The following SNTG1 variants were observed in gnomAD, a reference collection of about 807,000 sequenced individuals.
SNTG1 encodes the protein gamma-1-syntrophin.
In SNTG1, 39 loss-of-function variants were observed where a neutral mutation model predicts 74.7. That is an observed-to-expected ratio of 0.52 (90% CI 0.40 to 0.68). The LOEUF is 0.68. Ranked by LOEUF, SNTG1 falls within the 30% of genes least tolerant of loss-of-function variation. SNTG1 has a pLI of 0.00. For synonymous variants in SNTG1, 254 were observed against 217.1 expected (o/e 1.17, Z -1.49); for missense variants, 685 against 609.5 (o/e 1.12, Z -1.30).
chr8:50,620,581 G>T (rs1345847015), intron 13 of SNTG1, among the ~76,000 whole-genome samples: 1 of 152,154 alleles, frequency 6.6e-6, no homozygotes. Context: ...ATTTGCTGGG[G>T]TGCCTCAGAG....
In SNTG1 at chr8:50,373,468, A is replaced by G. The variant is rs1038739149; in HGVS notation, c.-27-20744A>G. On this transcript the variant is annotated intron_variant, in intron 2 of 18. Coordinates refer to ENST00000642720, the MANE Select transcript of SNTG1 (RefSeq NM_018967.5). ...AATTCTTGGTGATGTGTAAGATTGT[A>G]TAATGTTACCATGTGATTAAATGGA... 2.6e-5 allele frequency among the ~76,000 whole-genome samples: 4 copies of G among 152,344 alleles called. No homozygotes were observed. The East Asian group carries it at 5.8e-4, about 22-fold the overall frequency.
At chr8:50,730,240 T>G (rs947013889) in intron 17 of SNTG1, among the ~76,000 whole-genome samples, 1 of 152,124 alleles carries the variant, frequency 6.6e-6, no homozygotes, top group Admixed American at 6.6e-5. Context: ...ACATGCTTAG[T>G]TTTCTCTGCT....
intron 12 of SNTG1, among the ~76,000 whole-genome samples, chr8:50,569,486 C>T (rs2094534703): frequency 1.3e-5 from 2 of 150,154 alleles, no homozygotes; most frequent in Non-Finnish European, 1.5e-5. Flanking sequence ...CATTTTTTTT[C>T]CATAAAAGCG....
chr8:50,453,582 G>A (rs2093475620), intron 8 of SNTG1, among the ~76,000 whole-genome samples: 1 of 152,124 alleles, frequency 6.6e-6, no homozygotes, highest in South Asian at 2.1e-4. Context: ...TGAACGGAAT[G>A]AACTAAACTT....
intron 1 of SNTG1, among the ~76,000 whole-genome samples, chr8:50,063,626 T>C (rs1820658992): frequency 6.6e-6 from 1 of 152,246 alleles, no homozygotes; most frequent in South Asian, 2.1e-4. Flanking sequence ...TTCTGATCAA[T>C]GCATTCTTTG....
chr8:50,658,260 TA>T (rs67305616), intron 14 of SNTG1, among the ~76,000 whole-genome samples: 8,589 of 149,978 alleles, frequency 0.057, 421 homozygotes, highest in African/African-American at 0.13. Context: ...AGTGGTAAAT[TA>T]AAAAAAAAAT....
intron 11 of SNTG1, among the ~76,000 whole-genome samples, chr8:50,542,551 A>T (rs1365101014): frequency 2.0e-5 from 3 of 152,224 alleles, no homozygotes; most frequent in East Asian, 1.9e-4. Context: ...TGCAATAAAC[A>T]TAGGAGCACA....
In SNTG1 at chr8:50,691,681, A is replaced by AT. The variant is rs562848804; in HGVS notation, c.1039-12913dup. 3.2e-3 allele frequency among the ~76,000 whole-genome samples: 482 copies of AT among 151,980 alleles called. 4 individuals are homozygous for AT. The highest frequency in any genetic ancestry group is 0.011 in the African/African-American group (464 of 41,446). Reference sequence around the variant, plus strand: ...ACCTTTCTCTCTGGCTGCCCTTAACATTTTTTCCTTCATTTCAACTTTGGT... The same window carrying AT: ...ACCTTTCTCTCTGGCTGCCCTTAACATTTTTTTCCTTCATTTCAACTTTGGT... On this transcript the variant is annotated intron_variant, in intron 15 of 18. Transcript: ENST00000642720.
chr8:50,492,701 A>G lies in SNTG1; in HGVS notation c.364-10077A>G, dbSNP rs190688043. Among the ~76,000 whole-genome samples, 10 of 152,182 alleles carry G rather than the reference A, an allele frequency of 6.6e-5. 1 individual carries two copies. The East Asian group carries it at 1.7e-3, about 26-fold the overall frequency. ...TGTAGGTTGCCTGTTCATGCTGATG[A>G]TAGTTTCTTTGGCTGTGCAGAAGCT... On this transcript the variant is annotated intron_variant, in intron 8 of 18. Transcript: ENST00000642720.
chr8:50,537,902 C>T (rs978286319), intron 11 of SNTG1, among the ~76,000 whole-genome samples: 1 of 152,100 alleles, frequency 6.6e-6, no homozygotes, highest in Non-Finnish European at 1.5e-5. Context: ...CTAGATTTGT[C>T]CCATAGGCTG....
In SNTG1 at chr8:50,487,640, G is replaced by A. The variant is rs537584107; in HGVS notation, c.364-15138G>A. Among the ~76,000 whole-genome samples the A allele has an allele frequency of 2.5e-3, 353 of 139,518 alleles. 2 individuals are homozygous for A. The highest frequency in any genetic ancestry group is 8.5e-3 in the African/African-American group (329 of 38,912). 91.5% of individuals were successfully genotyped at this position (139,518 alleles called of 152,430 possible). On this transcript the variant is annotated intron_variant, in intron 8 of 18. Coordinates refer to ENST00000642720, the MANE Select transcript of SNTG1 (RefSeq NM_018967.5). ...CTCGTAGGTGGGAATTGAACAATGA[G>A]AACACATGGACACAGGAAGGGGAAT...
At chr8:50,025,015 C>T (rs1563488437) in intron 1 of SNTG1, among the ~76,000 whole-genome samples, 1 of 151,964 alleles carries the variant, frequency 6.6e-6, no homozygotes, top group African/African-American at 2.4e-5. Context: ...TAACTAAAAC[C>T]TTAGCAAGTG....
intron 13 of SNTG1, among the ~76,000 whole-genome samples, chr8:50,634,993 C>G (rs2095029518): frequency 6.6e-6 from 1 of 152,118 alleles, no homozygotes; most frequent in Non-Finnish European, 1.5e-5. Context: ...CACAGTAGAC[C>G]TGTGGTATCC....
chr8:50,147,953 T>C (rs2081929406), intron 1 of SNTG1, among the ~76,000 whole-genome samples: 1 of 152,140 alleles, frequency 6.6e-6, no homozygotes, highest in Non-Finnish European at 1.5e-5. Flanking sequence ...ATAAGCATAA[T>C]GCATATTATA....
At chr8:50,604,642 G>C (rs1320707351) in intron 13 of SNTG1, among the ~76,000 whole-genome samples, 1 of 152,062 alleles carries the variant, frequency 6.6e-6, no homozygotes, top group Non-Finnish European at 1.5e-5. Context: ...ATTCTTCAGG[G>C]CAGTGGGCTC....
At chr8:50,233,125 A>G (rs768107461) in intron 2 of SNTG1, among the ~76,000 whole-genome samples, 1 of 151,664 alleles carries the variant, frequency 6.6e-6, no homozygotes, top group Admixed American at 6.6e-5. Flanking sequence ...GAAAAGAAAG[A>G]ATAAAGCAGG....
intron 1 of SNTG1, among the ~76,000 whole-genome samples, chr8:50,093,459 T>C (rs1448655466): frequency 6.6e-6 from 1 of 152,110 alleles, no homozygotes; most frequent in Non-Finnish European, 1.5e-5. Context: ...TACTCACCAG[T>C]AATTAGCACC....
At chr8:50,064,349 A>G (rs950816686) in intron 1 of SNTG1, among the ~76,000 whole-genome samples, 1 of 152,182 alleles carries the variant, frequency 6.6e-6, no homozygotes, top group Admixed American at 6.5e-5. Context: ...CCTTTCCAGC[A>G]GAAAGCTCTT....
chr8:50,268,291 A>G (rs752290766), intron 2 of SNTG1, among the ~76,000 whole-genome samples: 24 of 152,200 alleles, frequency 1.6e-4, no homozygotes, highest in Admixed American at 1.6e-3. Context: ...TATTATGTTC[A>G]TGGATCCAGA....
Sources: allele counts gnomAD v4.1 joint callset (sites outside exome capture counted in the v4.1 genomes callset), GRCh38; gene constraint gnomAD v4.1.1; transcripts MANE v1.5; gene names NCBI Gene and HGNC (gene_info 2026-07-23, HGNC 2026-07-21).